Variants in EXOC6B observed in about 807,000 individuals in gnomAD.
The protein encoded by EXOC6B is SEC15 homolog B.
In EXOC6B, 54 loss-of-function variants were observed where a neutral mutation model predicts 113.5. The ratio of observed to expected loss-of-function variants is 0.48; its 90% CI spans 0.38 to 0.60. The LOEUF is 0.60. EXOC6B is among the 20% of genes least tolerant of loss of function. The probability of loss-of-function intolerance (pLI) is 0.00; values close to 1 mark genes in which losing one functional copy is unlikely to be tolerated. For missense variants in EXOC6B, 797 were observed against 977.5 expected (o/e 0.82, Z 2.46); for synonymous variants, 357 against 339.0 (o/e 1.05, Z -0.58).
intron 18 of EXOC6B, among the ~76,000 whole-genome samples, chr2:72,445,782 G>C (rs957840987): frequency 6.6e-6 from 1 of 152,154 alleles, no homozygotes; most frequent in Non-Finnish European, 1.5e-5. Context: ...GATGAGATTT[G>C]GGTGGGGACA....
chr2:72,641,861 C>T (rs1275551209), intron 6 of EXOC6B, among the ~76,000 whole-genome samples: 2 of 152,214 alleles, frequency 1.3e-5, no homozygotes, highest in East Asian at 3.9e-4. Flanking sequence ...GACGAAGATT[C>T]CAGAGGAAGG....
chr2:72,406,146 G>A (rs556987329), intron 18 of EXOC6B, among the ~76,000 whole-genome samples: 2 of 152,206 alleles, frequency 1.3e-5, no homozygotes, highest in South Asian at 4.1e-4. Context: ...TCAACAAGAA[G>A]AGCTCACTAT....
chr2:72,570,387 A>G (rs1375972121), intron 7 of EXOC6B, among the ~76,000 whole-genome samples: 2 of 152,164 alleles, frequency 1.3e-5, no homozygotes, highest in African/African-American at 4.8e-5. Flanking sequence ...AATACATCTC[A>G]TTACTTCAAA....
chr2:72,454,466 T>C (rs1414732898), intron 18 of EXOC6B, among the ~76,000 whole-genome samples: 2 of 151,986 alleles, frequency 1.3e-5, no homozygotes, highest in South Asian at 2.1e-4. Context: ...TATCACATCA[T>C]GGCACTCCAG....
intron 8 of EXOC6B, among the ~76,000 whole-genome samples, chr2:72,530,423 G>C (rs1701943945): frequency 6.6e-6 from 1 of 152,098 alleles, no homozygotes; most frequent in Admixed American, 6.5e-5. Flanking sequence ...TGTTATCGTT[G>C]TGTTACTAAT....
rs143758987 is a variant in EXOC6B, at chr2:72,705,825, G to A, written c.669+12278C>T. On this transcript the variant is annotated intron_variant, in intron 6 of 21. Transcript: ENST00000272427. ...AACTTTTCTATGTTTTGGGTTATGC[G>A]CTCATTTCTCTGTTGAGATCTTAAA... Among the ~76,000 whole-genome samples, 825 of 152,162 alleles carry A rather than the reference G, an allele frequency of 5.4e-3. 9 individuals carry two copies. Among genetic ancestry groups the A allele is most frequent in the African/African-American group, 0.019 (786 of 41,492 alleles).
At chr2:72,448,777 T>C (rs1696738359) in intron 18 of EXOC6B, among the ~76,000 whole-genome samples, 1 of 152,126 alleles carries the variant, frequency 6.6e-6, no homozygotes, top group African/African-American at 2.4e-5. Context: ...AAATACTGAG[T>C]TCAGAGTTGT....
At chr2:72,511,784 A>C (rs994843765) in intron 11 of EXOC6B, among the ~76,000 whole-genome samples, 1 of 152,046 alleles carries the variant, frequency 6.6e-6, no homozygotes, top group Admixed American at 6.6e-5. Flanking sequence ...GACTTCTTTC[A>C]GGTCTCTGAG....
intron 18 of EXOC6B, among the ~76,000 whole-genome samples, chr2:72,448,938 T>C (rs1285335147): frequency 1.3e-5 from 2 of 152,184 alleles, no homozygotes; most frequent in East Asian, 3.8e-4. Flanking sequence ...ATTAGCACTC[T>C]TTTATATATT....
rs761491148 is a variant in EXOC6B, at chr2:72,224,848, A to G, written c.2197-40661T>C. The stretch of plus-strand genomic sequence containing the variant: ...TGTGTGTATGTGTGTATGTGTGTGT[A>G]TATATATATATGTATACGTAAGTGT... On this transcript the variant is annotated intron_variant, in intron 20 of 21. Transcript: ENST00000272427. Among the ~76,000 whole-genome samples, 43 of 148,514 alleles carry G rather than the reference A, an allele frequency of 2.9e-4. 1 individual carries two copies. Among genetic ancestry groups the G allele is most frequent in the African/African-American group, 3.5e-4 (14 of 40,474 alleles).
At chr2:72,647,462 G>T (rs1673817983) in intron 6 of EXOC6B, among the ~76,000 whole-genome samples, 1 of 152,078 alleles carries the variant, frequency 6.6e-6, no homozygotes, top group Non-Finnish European at 1.5e-5. Context: ...AAAACAGCCT[G>T]CATTGCCAAG....
chr2:72,308,245 T>C (rs970099496), intron 20 of EXOC6B, among the ~76,000 whole-genome samples: 4 of 152,168 alleles, frequency 2.6e-5, no homozygotes, highest in Non-Finnish European at 2.9e-5. Context: ...ACCAGAACTA[T>C]CAACCCCAAA....
chr2:72,799,165 A>G (rs1163556970), intron 1 of EXOC6B, among the ~76,000 whole-genome samples: 1 of 143,480 alleles, frequency 7.0e-6, no homozygotes, highest in Non-Finnish European at 1.5e-5. Context: ...GCTTGTGCCC[A>G]GGAGGTCAAG....
chr2:72,428,894 A>G (rs1695364936), intron 18 of EXOC6B, among the ~76,000 whole-genome samples: 1 of 152,188 alleles, frequency 6.6e-6, no homozygotes, highest in East Asian at 1.9e-4. Flanking sequence ...TCAATCAGTC[A>G]TCTTTCTTAG....
At chr2:72,341,050 C>A (rs1311168347) in intron 19 of EXOC6B, among the ~76,000 whole-genome samples, 1 of 152,118 alleles carries the variant, frequency 6.6e-6, no homozygotes, top group African/African-American at 2.4e-5. Flanking sequence ...CTTGGAGATT[C>A]ATCTGAGTAT....
chr2:72,215,668 T>G (rs1680477910), intron 20 of EXOC6B, among the ~76,000 whole-genome samples: 1 of 152,068 alleles, frequency 6.6e-6, no homozygotes, highest in African/African-American at 2.4e-5. Context: ...AACTAAAAGC[T>G]GAGCGCGTAC....
Position 72,328,275 on chromosome 2 carries a change from G to A in EXOC6B, c.2196+6672C>T, listed in dbSNP as rs1385707865. On this transcript the variant is annotated intron_variant, in intron 20 of 21. Coordinates refer to ENST00000272427, the MANE Select transcript of EXOC6B (RefSeq NM_015189.3). ...TTTTGAAGTTGACCATCTTATTTAT[G>A]TTGGGCTGCTAAACCACAGCTAAAA... is the stretch of plus-strand genomic sequence containing the variant. Among the ~76,000 whole-genome samples, 3 of 152,072 alleles carry A rather than the reference G, an allele frequency of 2.0e-5. No homozygotes were observed. The East Asian group carries it at 5.8e-4, about 29-fold the overall frequency.
At chr2:72,276,512 G>A (rs1304122137) in intron 20 of EXOC6B, among the ~76,000 whole-genome samples, 1 of 152,084 alleles carries the variant, frequency 6.6e-6, no homozygotes, top group Non-Finnish European at 1.5e-5. Context: ...AGAATGACAA[G>A]TTTTGTAAAA....
chr2:72,404,396 T>C (rs1693576512), intron 18 of EXOC6B, among the ~76,000 whole-genome samples: 1 of 152,202 alleles, frequency 6.6e-6, no homozygotes, highest in South Asian at 2.1e-4. Flanking sequence ...GATCTGAGAA[T>C]GGACAGACTG....
Sources: gnomAD v4.1 joint callset for allele counts (sites outside exome capture counted in the v4.1 genomes callset) on GRCh38, gnomAD v4.1.1 for gene constraint, MANE v1.5 for transcripts, NCBI Gene and HGNC (gene_info 2026-07-23, HGNC 2026-07-21) for gene names.